Variants in KLHL13 observed in about 807,000 individuals in gnomAD.
KLHL13 encodes the protein kelch like family member 13.
In KLHL13, 10 loss-of-function variants were observed where a neutral mutation model predicts 37.1. That is an observed-to-expected ratio of 0.27 (90% CI 0.17 to 0.46). KLHL13 has a LOEUF of 0.46. KLHL13 is among the 20% of genes least tolerant of loss of function. The pLI is 1.00. For missense variants in KLHL13, 360 were observed against 509.3 expected (o/e 0.71, Z 2.82); for synonymous variants, 163 against 181.2 (o/e 0.90, Z 0.81).
At chrX:118,018,912 C>A (rs772553772) in intron 1 of KLHL13, among the ~76,000 whole-genome samples, 2 of 111,045 alleles carry the variant, frequency 1.8e-5, no homozygotes, top group Non-Finnish European at 3.8e-5. Flanking sequence ...ATATACAAGC[C>A]TAACCTTTTT....
At chrX:118,050,306 T>C (rs2054600409) in intron 1 of KLHL13, among the ~76,000 whole-genome samples, 1 of 112,366 alleles carries the variant, frequency 8.9e-6, no homozygotes. Flanking sequence ...ATCATTGCAA[T>C]TGGCTTTTTT....
At chrX:117,962,640 T>C (rs776907686) in intron 1 of KLHL13, among the ~76,000 whole-genome samples, 4 of 112,243 alleles carry the variant, frequency 3.6e-5, no homozygotes, top group Non-Finnish European at 5.6e-5. Context: ...TTCTAACCTC[T>C]TCCTATACCA....
chrX:117,934,898 A>G (rs1372959265), intron 2 of KLHL13, among the ~76,000 whole-genome samples: 2 of 111,493 alleles, frequency 1.8e-5, no homozygotes, highest in Non-Finnish European at 3.8e-5. Flanking sequence ...ATTCAACATG[A>G]TTAGCAATCA....
At chrX:117,980,721 T>C (rs2053651580) in intron 1 of KLHL13, among the ~76,000 whole-genome samples, 1 of 111,946 alleles carries the variant, frequency 8.9e-6, no homozygotes, top group African/African-American at 3.2e-5. Context: ...TACCATTTCC[T>C]AGGTTTAATC....
intron 1 of KLHL13, among the ~76,000 whole-genome samples, chrX:118,081,337 G>T (rs1244010296): frequency 8.9e-6 from 1 of 111,751 alleles, no homozygotes; most frequent in Non-Finnish European, 1.9e-5. Flanking sequence ...TATGTCAAGG[G>T]GGTGGGCAGA....
At chrX:118,109,469 T>C (rs1018375255) in intron 1 of KLHL13, among the ~76,000 whole-genome samples, 2 of 112,163 alleles carry the variant, frequency 1.8e-5, no homozygotes, top group Admixed American at 1.9e-4. Flanking sequence ...AATATTGGGG[T>C]TTGCCTCAGA....
intron 1 of KLHL13, among the ~76,000 whole-genome samples, chrX:118,054,916 T>C (rs984827740): frequency 1.0e-4 from 11 of 110,428 alleles, no homozygotes; most frequent in Non-Finnish European, 1.3e-4. Flanking sequence ...ATATAGTCAA[T>C]GTACTAGAGT....
chrX:118,097,910 C>T (rs1179141341), intron 1 of KLHL13, among the ~76,000 whole-genome samples: 1 of 111,606 alleles, frequency 9.0e-6, no homozygotes, highest in Non-Finnish European at 1.9e-5. Flanking sequence ...CTTCCTTACA[C>T]CTTATACAAA....
intron 2 of KLHL13, among the ~76,000 whole-genome samples, chrX:117,941,654 T>C (rs1315755816): frequency 8.9e-6 from 1 of 111,965 alleles, no homozygotes; most frequent in Non-Finnish European, 1.9e-5. Flanking sequence ...CTGATGGTAG[T>C]TTCTTTCTGT....
At chrX:118,002,553 A>G (rs1172665290) in intron 1 of KLHL13, among the ~76,000 whole-genome samples, 1 of 108,566 alleles carries the variant, frequency 9.2e-6, no homozygotes, top group Non-Finnish European at 1.9e-5. Flanking sequence ...AGATCGCACC[A>G]TTGCACTCCA....
chrX:117,913,049 A>T (rs1931091364), intron 4 of KLHL13, among the ~76,000 whole-genome samples: 1 of 112,298 alleles, frequency 8.9e-6, no homozygotes, highest in Admixed American at 9.4e-5. Context: ...ATCAAAGCTT[A>T]AAAATTAATC....
At chrX:118,071,062 C>T (rs1408462402) in intron 1 of KLHL13, among the ~76,000 whole-genome samples, 1 of 111,190 alleles carries the variant, frequency 9.0e-6, no homozygotes, top group African/African-American at 3.3e-5. Context: ...CAACTTCATC[C>T]ATGTCCCTAC....
At chrX:117,928,665 T>A (rs1932219846) in intron 2 of KLHL13, among the ~76,000 whole-genome samples, 1 of 111,264 alleles carries the variant, frequency 9.0e-6, no homozygotes, top group Non-Finnish European at 1.9e-5. Flanking sequence ...AAATATAACA[T>A]CAAAAATTGT....
chrX:117,920,119 G>A, intron 3 of KLHL13, 119 bp downstream of exon 4: 1 of 726,093 alleles, frequency 1.4e-6, no homozygotes, highest in Non-Finnish European at 2.1e-6. Context: ...ATACTGTTGT[G>A]TACTTCTTTT....
chrX:117,903,173 G>GCGAGAGAGA (rs1491190040), intron 5 of KLHL13, among the ~76,000 whole-genome samples: 4 of 96,707 alleles, frequency 4.1e-5, no homozygotes, highest in African/African-American at 1.3e-4. Context: ...GAGAGAGAGA[G>GCGAGAGAGA]GAGAGCGAGA....
At chrX:118,079,448 G>T (rs2054965609) in intron 1 of KLHL13, among the ~76,000 whole-genome samples, 1 of 110,370 alleles carries the variant, frequency 9.1e-6, no homozygotes. Context: ...CAAGATTTTG[G>T]GATACAAAAC....
chrX:118,045,141 A>C (rs2054545040), intron 1 of KLHL13, among the ~76,000 whole-genome samples: 1 of 111,030 alleles, frequency 9.0e-6, no homozygotes, highest in Admixed American at 9.6e-5. Flanking sequence ...TGAGAGGCCA[A>C]GGCAGGCAGA....
chrX:117,957,676 T>A (rs765102397), intron 1 of KLHL13, among the ~76,000 whole-genome samples: 1 of 111,832 alleles, frequency 8.9e-6, no homozygotes, highest in East Asian at 2.8e-4. Context: ...ATTCAGGACA[T>A]AAATGTAAAT....
intron 1 of KLHL13, among the ~76,000 whole-genome samples, chrX:118,028,806 A>G (rs2054302478): frequency 8.9e-6 from 1 of 111,955 alleles, no homozygotes; most frequent in Non-Finnish European, 1.9e-5. Flanking sequence ...TCCCTTATCC[A>G]TGGTTTGGCC....
Sources: gnomAD v4.1 joint callset for allele counts (sites outside exome capture counted in the v4.1 genomes callset) on GRCh38, gnomAD v4.1.1 for gene constraint, MANE v1.5 for transcripts, NCBI Gene and HGNC (gene_info 2026-07-23, HGNC 2026-07-21) for gene names.